The following ANKRD17 variants were observed in gnomAD, a reference collection of about 807,000 sequenced individuals.
The protein encoded by ANKRD17 is ankyrin repeat domain-containing protein 17.
A neutral mutation model predicts 229.7 loss-of-function variants in ANKRD17; 19 were observed. The observed-to-expected ratio is 0.08, with a 90% CI of 0.06 to 0.12. The LOEUF is 0.12. ANKRD17 is among the 10% of genes least tolerant of loss of function. The pLI is 1.00. For missense variants in ANKRD17, 2,176 were observed against 3,176.8 expected (o/e 0.68, Z 7.57); for synonymous variants, 1,112 against 1,146.1 (o/e 0.97, Z 0.60).
intron 1 of ANKRD17, among the ~76,000 whole-genome samples, chr4:73,220,763 A>G (rs1741744235): frequency 6.6e-6 from 1 of 152,176 alleles, no homozygotes; most frequent in African/African-American, 2.4e-5. Context: ...CGTATGTTCA[A>G]TAAATAAAAT....
intron 1 of ANKRD17, among the ~76,000 whole-genome samples, chr4:73,243,171 G>A (rs540051624): frequency 3.9e-5 from 6 of 152,164 alleles, no homozygotes; most frequent in Admixed American, 3.9e-4. Flanking sequence ...GAACTAGAAG[G>A]GCTGGAACAA....
intron 25 of ANKRD17, 67 bp downstream of exon 25, chr4:73,102,307 CTG>C (rs1724109206): frequency 2.0e-6 from 3 of 1,463,480 alleles, no homozygotes; most frequent in Non-Finnish European, 1.8e-6. Context: ...TCAAGAGTGA[CTG>C]ATAATCAAGT....
chr4:73,208,188 CAAAAAAAAA>C lies in ANKRD17; in HGVS notation c.394-30664_394-30656del, dbSNP rs36126530. Among the ~76,000 whole-genome samples the C allele has an allele frequency of 1.5e-3, 104 of 67,966 alleles. 1 individual carries two copies. The highest frequency in any genetic ancestry group is 5.0e-3 in the African/African-American group (92 of 18,400). 44.6% of individuals were successfully genotyped at this position (67,966 alleles called of 152,430 possible). ...TGGGCGACACAGCGAGACTCCGTCT[CAAAAAAAAA>C]AAAAAAAAAAAAAAACTTGAACATT... On this transcript the variant is annotated intron_variant, in intron 1 of 33. Transcript: ENST00000358602.
At chr4:73,132,299 G>A (rs1320748478) in intron 16 of ANKRD17, among the ~76,000 whole-genome samples, 1 of 152,024 alleles carries the variant, frequency 6.6e-6, no homozygotes, top group Non-Finnish European at 1.5e-5. Flanking sequence ...AGTAGAGACA[G>A]GGTTTCATCA....
chr4:73,223,189 T>C (rs1026398795), intron 1 of ANKRD17: 1 of 560,698 alleles, frequency 1.8e-6, no homozygotes, highest in East Asian at 3.2e-5. Flanking sequence ...GAGCAGGGGG[T>C]GACTCACTGT....
At chr4:73,119,972 G>GA (rs1171303317) in intron 21 of ANKRD17, among the ~76,000 whole-genome samples, 190 bp downstream of exon 21, 5 of 152,158 alleles carry the variant, frequency 3.3e-5, no homozygotes, top group Admixed American at 2.6e-4. Flanking sequence ...AGGTTACACA[G>GA]AAACAAATCA....
At chr4:73,258,178 A>G in intron 1 of ANKRD17, 98 bp downstream of exon 1, 8 of 1,574,082 alleles carry the variant, frequency 5.1e-6, no homozygotes, top group Non-Finnish European at 6.9e-6. Flanking sequence ...TAAGAGATCA[A>G]CCCACTGGAA....
In ANKRD17 at chr4:73,121,449, C is replaced by G. The variant is rs571771330; in HGVS notation, c.3635+168G>C. 1,028 of 751,678 alleles carry G rather than the reference C, an allele frequency of 1.4e-3. 20 individuals carry two copies. The South Asian group carries it at 0.018, about 13-fold the overall frequency. 46.6% of individuals were successfully genotyped at this position (751,678 alleles called of 1,614,324 possible). A position where few individuals can be genotyped will look rare whatever the true frequency, so the allele number is the denominator to read the frequency against. On this transcript the variant is annotated intron_variant, in intron 19 of 33. Coordinates refer to ENST00000358602, the MANE Select transcript of ANKRD17 (RefSeq NM_032217.5). Reference sequence around the variant, plus strand: ...ACTCAATATTTTTCAAACTCTATATCAAGTTTTAATTACTTAAATAAAGTT... The same window carrying G: ...ACTCAATATTTTTCAAACTCTATATGAAGTTTTAATTACTTAAATAAAGTT...
chr4:73,230,829 C>T (rs1342560791), intron 1 of ANKRD17, among the ~76,000 whole-genome samples: 1 of 152,150 alleles, frequency 6.6e-6, no homozygotes, highest in Non-Finnish European at 1.5e-5. Context: ...GTTGGACACT[C>T]GCATTTGTTG....
chr4:73,223,629 C>A (rs1416050390), intron 1 of ANKRD17, among the ~76,000 whole-genome samples: 1 of 152,094 alleles, frequency 6.6e-6, no homozygotes, highest in Non-Finnish European at 1.5e-5. Flanking sequence ...TTATGAGAAC[C>A]AGGTTAACAT....
chr4:73,190,271 A>C (rs557595221), intron 1 of ANKRD17, among the ~76,000 whole-genome samples: 4 of 152,134 alleles, frequency 2.6e-5, no homozygotes, highest in Non-Finnish European at 5.9e-5. Context: ...TGGGAGGCTG[A>C]GGCAGGAGAA....
chr4:73,080,151 A>C (rs1380175368), intron 30 of ANKRD17, among the ~76,000 whole-genome samples: 1 of 152,168 alleles, frequency 6.6e-6, no homozygotes, highest in Admixed American at 6.5e-5. Context: ...AGCACATTTA[A>C]ACTAAAATGG....
At chr4:73,245,253 T>C (rs1025418558) in intron 1 of ANKRD17, among the ~76,000 whole-genome samples, 1 of 152,210 alleles carries the variant, frequency 6.6e-6, no homozygotes, top group Non-Finnish European at 1.5e-5. Context: ...AGCAGACATT[T>C]TGTAGCACAA....
At chr4:73,108,263 T>C (rs1724877606) in intron 24 of ANKRD17, among the ~76,000 whole-genome samples, 1 of 152,166 alleles carries the variant, frequency 6.6e-6, no homozygotes. Flanking sequence ...AGTTCATATT[T>C]GGACACATCA....
intron 25 of ANKRD17, among the ~76,000 whole-genome samples, chr4:73,101,785 T>C (rs550200083): frequency 2.7e-5 from 4 of 150,670 alleles, no homozygotes; most frequent in Admixed American, 6.6e-5. Context: ...ATAAAGCAAA[T>C]ATGGTAAAAT....
intron 16 of ANKRD17, among the ~76,000 whole-genome samples, chr4:73,132,193 C>T (rs903905699): frequency 6.6e-6 from 1 of 151,540 alleles, no homozygotes. Context: ...GGCCAACACT[C>T]TGCCTTCTGG....
At chr4:73,106,771 CG>C (rs1724684843) in intron 24 of ANKRD17, among the ~76,000 whole-genome samples, 1 of 148,942 alleles carries the variant, frequency 6.7e-6, no homozygotes, top group African/African-American at 2.5e-5. Flanking sequence ...CCCAGCTACT[CG>C]GCAGGCTGAG....
chr4:73,075,942 C>A lies in ANKRD17; in HGVS notation c.*289G>T. The A allele has an allele frequency of 3.6e-6, 1 of 278,080 alleles. No individual in the cohort carries two copies. The highest frequency in any genetic ancestry group is 6.7e-6 in the Non-Finnish European group (1 of 149,080). The allele number at this position is 278,080 out of a possible 1,614,324, so 17.2% of individuals were successfully genotyped here. ...AAGCAGTTTACAGTACTAAAACCAACCAGCCAAAGAACAGCTTCAACAGAA... is the reference window on the plus strand; with the variant it reads ...AAGCAGTTTACAGTACTAAAACCAAACAGCCAAAGAACAGCTTCAACAGAA... On this transcript the variant is annotated 3_prime_UTR_variant, in exon 34 of 34. Coordinates refer to ENST00000358602, the MANE Select transcript of ANKRD17 (RefSeq NM_032217.5).
At chr4:73,217,958 T>C (rs778693541) in intron 1 of ANKRD17, among the ~76,000 whole-genome samples, 2 of 152,166 alleles carry the variant, frequency 1.3e-5, no homozygotes, top group African/African-American at 2.4e-5. Context: ...ATATTCCACC[T>C]AAAGCAGAAC....
Sources: allele counts gnomAD v4.1 joint callset (sites outside exome capture counted in the v4.1 genomes callset), GRCh38; gene constraint gnomAD v4.1.1; transcripts MANE v1.5; gene names NCBI Gene and HGNC (gene_info 2026-07-23, HGNC 2026-07-21).